The following FAM184A variants were observed in gnomAD, a reference collection of about 807,000 sequenced individuals.
FAM184A encodes protein FAM184A.
A neutral mutation model predicts 143.8 loss-of-function variants in FAM184A; 99 were observed. The ratio of observed to expected loss-of-function variants is 0.69; its 90% CI spans 0.58 to 0.81. The LOEUF (loss-of-function observed/expected upper bound fraction) is 0.81, where lower values mean the gene tolerates loss of function less well. FAM184A is among the 40% of genes least tolerant of loss of function. The probability of loss-of-function intolerance (pLI) is 0.00; values close to 1 mark genes in which losing one functional copy is unlikely to be tolerated. For missense variants in FAM184A, 1,217 were observed against 1,310.5 expected (o/e 0.93, Z 1.10); for synonymous variants, 427 against 446.4 (o/e 0.96, Z 0.55).
chr6:119,051,100 A>G (rs896888460), intron 1 of FAM184A, among the ~76,000 whole-genome samples: 1 of 151,094 alleles, frequency 6.6e-6, no homozygotes, highest in Non-Finnish European at 1.5e-5. Flanking sequence ...GTGACATGAG[A>G]TTACCTACAT....
chr6:119,116,293 G>A (rs987259784), intron 1 of FAM184A, among the ~76,000 whole-genome samples: 2 of 151,942 alleles, frequency 1.3e-5, no homozygotes, highest in Non-Finnish European at 2.9e-5. Flanking sequence ...TTATAAGTGG[G>A]AGCTAAACAC....
At chr6:119,127,481 G>A (rs1789402534) in intron 1 of FAM184A, among the ~76,000 whole-genome samples, 1 of 152,168 alleles carries the variant, frequency 6.6e-6, no homozygotes, top group Admixed American at 6.5e-5. Flanking sequence ...AATTGTGAGA[G>A]GACATATCCT....
chr6:118,976,038 A>G lies in FAM184A; in HGVS notation c.2462T>C (p.Leu821Ser), dbSNP rs1783835360. Residue 821 changes from leucine (L) to serine (S), a missense_variant, in exon 12 of 18, where the codon TTG becomes TCG. By Grantham distance (145) the Leu-to-Ser change is moderately radical. Transcript: ENST00000338891. ...EDEGKAMLAS[L>S]RSELNHQHAA... ...ATGTTGATGGTTGAGTTCTGAGCGC[A>G]AGGAAGCTGGAATTGCAAGGCAAAA... 1.9e-6 allele frequency: 3 copies of G among 1,610,730 alleles called. No individual in the cohort carries two copies. In the African/African-American group the frequency reaches 4.0e-5, roughly 21 times the overall value.
chr6:118,977,712 G>A (rs547295150), intron 11 of FAM184A, among the ~76,000 whole-genome samples: 5 of 152,294 alleles, frequency 3.3e-5, no homozygotes, highest in Admixed American at 1.3e-4. Context: ...GGGAATATAG[G>A]TGTGGCAATA....
At chr6:119,095,389 C>A (rs1788479041) in intron 1 of FAM184A, among the ~76,000 whole-genome samples, 2 of 152,062 alleles carry the variant, frequency 1.3e-5, no homozygotes. Context: ...TTATTAAGTT[C>A]CTGGGGGAAG....
At chr6:118,979,340 C>T (rs1783948609) in intron 11 of FAM184A, 25 bp downstream of exon 11, 6 of 1,571,346 alleles carry the variant, frequency 3.8e-6, no homozygotes, top group African/African-American at 1.4e-5. Context: ...ATGAATATGA[C>T]AAGATTGTAA....
intron 9 of FAM184A, among the ~76,000 whole-genome samples, chr6:118,995,097 A>C (rs1001775535): frequency 3.3e-5 from 5 of 152,228 alleles, no homozygotes; most frequent in Admixed American, 6.5e-5. Context: ...ATTGTAATTC[A>C]AGTAAAATAC....
chr6:119,058,115 T>C (rs967345943), intron 1 of FAM184A: 5 of 150,004 alleles, frequency 3.3e-5, no homozygotes, highest in Admixed American at 6.6e-5. Context: ...TCCCACATGC[T>C]CTTCTACAAT....
At chr6:119,059,232 G>A (rs892622767) in intron 1 of FAM184A, among the ~76,000 whole-genome samples, 14 of 151,966 alleles carry the variant, frequency 9.2e-5, no homozygotes, top group African/African-American at 2.9e-4. Context: ...CTCCCACCTC[G>A]GCCTCCCAAA....
At chr6:118,993,981 C>A (rs73523351) in intron 9 of FAM184A, among the ~76,000 whole-genome samples, 4,875 of 152,276 alleles carry the variant, frequency 0.032, 283 homozygotes, top group African/African-American at 0.11. Context: ...AGCTTCCTAG[C>A]TCTCACTCTC....
chr6:119,116,285 A>G (rs1344677275), intron 1 of FAM184A, among the ~76,000 whole-genome samples: 5 of 152,104 alleles, frequency 3.3e-5, no homozygotes, highest in African/African-American at 1.2e-4. Flanking sequence ...GTCCTCATTT[A>G]TAAGTGGGAG....
chr6:118,997,711 C>A (rs999996545), intron 9 of FAM184A, among the ~76,000 whole-genome samples: 2 of 151,536 alleles, frequency 1.3e-5, no homozygotes, highest in Non-Finnish European at 2.9e-5. Flanking sequence ...AAAAAAAAAA[C>A]AAAAACAACA....
intron 12 of FAM184A, among the ~76,000 whole-genome samples, chr6:118,975,651 C>T (rs1207415414): frequency 7.2e-5 from 11 of 152,208 alleles, no homozygotes; most frequent in Non-Finnish European, 1.2e-4. Context: ...ACATGGCTTA[C>T]AAAGCAGACT....
rs369621266 is a variant in FAM184A at position 118,975,125 on chromosome 6, C to T, written c.2667G>A (p.Glu889=). ...TTATATTCTCATGAAGGTGCTGAAC[C>T]TCCTTATCCAATTCAGAGATGTGAT... ...REHHISELDK[E]VQHLHENISA... is the part of the protein sequence containing the mutation. Residue 889 remains glutamate (E), a synonymous_variant, in exon 13 of 18, where the codon GAG becomes GAA. Coordinates refer to ENST00000338891, the MANE Select transcript of FAM184A (RefSeq NM_024581.6). 2.5e-6 allele frequency: 4 copies of T among 1,612,614 alleles called. No homozygotes were observed. In the African/African-American group the frequency reaches 4.0e-5, roughly 16 times the overall value.
rs1787935027 is a variant in FAM184A, at chr6:119,078,050, C to CG, written c.159+90dup. On this transcript the variant is annotated intron_variant, in intron 1 of 17. Coordinates refer to ENST00000338891, the MANE Select transcript of FAM184A (RefSeq NM_024581.6). This position sits in a 1 kb window ranked among gnomAD's most constrained non-coding sequence, Gnocchi z 5.5. ...CGGAGGAGTAGAGTTCCCCTCGCTG[C>CG]GGGCGCAGGGCGCACTGCCTCCCGG... The CG allele has an allele frequency of 7.0e-7, 1 of 1,422,454 alleles. No individual in the cohort carries two copies. Among genetic ancestry groups the CG allele is most frequent in the South Asian group, 1.3e-5 (1 of 75,522 alleles). 88.1% of individuals were successfully genotyped at this position (1,422,454 alleles called of 1,614,324 possible).
intron 1 of FAM184A, among the ~76,000 whole-genome samples, chr6:119,045,268 A>G (rs886835434): frequency 6.7e-6 from 1 of 149,698 alleles, no homozygotes; most frequent in Non-Finnish European, 1.5e-5. Flanking sequence ...ACCTGCTAAA[A>G]CAGTATAACT....
Position 118,964,773 on chromosome 6 carries a change from T to TA in FAM184A, c.3034-3dup. 6.7e-7 allele frequency: 1 copy of TA among 1,481,936 alleles called. No individual in the cohort carries two copies. The highest frequency in any genetic ancestry group is 1.2e-5 in the South Asian group (1 of 86,440). The allele number at this position is 1,481,936 out of a possible 1,614,324, so 91.8% of individuals were successfully genotyped here. ...CAGCTGATAAAACTTATTATCCTCCTATGCAAAAGAATTATAAACATCTTT... is the reference window on the plus strand; with the variant it reads ...CAGCTGATAAAACTTATTATCCTCCTAATGCAAAAGAATTATAAACATCTTT... On this transcript the variant is annotated splice_polypyrimidine_tract_variant and splice_region_variant and intron_variant, in intron 15 of 17. Coordinates refer to ENST00000338891, the MANE Select transcript of FAM184A (RefSeq NM_024581.6).
intron 1 of FAM184A, among the ~76,000 whole-genome samples, chr6:119,099,110 C>CAAGAA (rs1408506103): frequency 6.6e-6 from 1 of 152,082 alleles, no homozygotes; most frequent in African/African-American, 2.4e-5. Context: ...AACTCCGTAT[C>CAAGAA]AAGAAAACAA....
At chr6:119,107,899 G>C (rs1376232389) in intron 1 of FAM184A, among the ~76,000 whole-genome samples, 1 of 152,042 alleles carries the variant, frequency 6.6e-6, no homozygotes, top group Non-Finnish European at 1.5e-5. Context: ...AGTGTTCCTT[G>C]GAGAACTGCT....
Sources: gnomAD v4.1 joint callset for allele counts (sites outside exome capture counted in the v4.1 genomes callset) on GRCh38, gnomAD v4.1.1 for gene constraint, Gnocchi (gnomAD v3.1) non-coding constraint, MANE v1.5 for transcripts, NCBI Gene and HGNC (gene_info 2026-07-23, HGNC 2026-07-21) for gene names.